The following PLCH1 variants were observed in gnomAD, a reference collection of about 807,000 sequenced individuals.
PLCH1 encodes the protein 1-phosphatidylinositol 4,5-bisphosphate phosphodiesterase eta-1.
A neutral mutation model predicts 126.7 loss-of-function variants in PLCH1; 60 were observed. The ratio of observed to expected loss-of-function variants is 0.47; its 90% CI spans 0.38 to 0.59. PLCH1 has a LOEUF of 0.59. PLCH1 is among the 20% of genes least tolerant of loss of function. The probability of loss-of-function intolerance (pLI) is 0.00; values close to 1 mark genes in which losing one functional copy is unlikely to be tolerated. For synonymous variants in PLCH1, 719 were observed against 734.9 expected (o/e 0.98, Z 0.35); for missense variants, 1,723 against 2,040.0 (o/e 0.84, Z 2.99).
chr3:155,640,656 A>G (rs879930820), intron 2 of PLCH1, among the ~76,000 whole-genome samples: 1 of 152,198 alleles, frequency 6.6e-6, no homozygotes, highest in African/African-American at 2.4e-5. Context: ...AAAAGGGCAT[A>G]TTTTATGTAA....
At chr3:155,690,893 G>T (rs944582313) in intron 2 of PLCH1, among the ~76,000 whole-genome samples, 1 of 152,124 alleles carries the variant, frequency 6.6e-6, no homozygotes, top group Non-Finnish European at 1.5e-5. Context: ...CCCTGGTGGG[G>T]CTGAGAGTCT....
chr3:155,703,403 A>G (rs571961461), intron 2 of PLCH1, among the ~76,000 whole-genome samples: 38 of 152,296 alleles, frequency 2.5e-4, no homozygotes, highest in African/African-American at 8.9e-4. Flanking sequence ...GGCACCACAT[A>G]AGTCTTTGGC....
chr3:155,459,436 T>C (rs918071323), intron 21 of PLCH1, among the ~76,000 whole-genome samples: 2 of 152,216 alleles, frequency 1.3e-5, no homozygotes, highest in Non-Finnish European at 1.5e-5. Flanking sequence ...TCGAATTTCA[T>C]GTCTAACAAG....
chr3:155,484,124 T>C (rs1421326249), intron 22 of PLCH1, among the ~76,000 whole-genome samples: 1 of 152,200 alleles, frequency 6.6e-6, no homozygotes, highest in Non-Finnish European at 1.5e-5. Context: ...TAACTATGTA[T>C]TGTTTTATAT....
chr3:155,730,136 G>A (rs1030767910), intron 1 of PLCH1, among the ~76,000 whole-genome samples: 1 of 152,006 alleles, frequency 6.6e-6, no homozygotes, highest in African/African-American at 2.4e-5. Context: ...TCAATAAAGA[G>A]CCTCTACTAT....
At chr3:155,545,519 T>C (rs1386981003) in intron 10 of PLCH1, among the ~76,000 whole-genome samples, 8 of 150,770 alleles carry the variant, frequency 5.3e-5, no homozygotes, top group African/African-American at 2.0e-4. Flanking sequence ...AAAGAGGGAA[T>C]CCTCCCTAAC....
intron 2 of PLCH1, among the ~76,000 whole-genome samples, chr3:155,673,048 C>CTTTTTT (rs66672315): frequency 4.4e-5 from 3 of 68,224 alleles, no homozygotes; most frequent in African/African-American, 6.8e-5. Flanking sequence ...CTTCTGTTGC[C>CTTTTTT]TTTTTTTTTT....
intron 21 of PLCH1, among the ~76,000 whole-genome samples, chr3:155,486,509 GT>G (rs1560053747): frequency 7.6e-6 from 1 of 130,764 alleles, no homozygotes; most frequent in African/African-American, 2.9e-5. Flanking sequence ...TCTGGCTCAA[GT>G]TTGTTTTTTT....
At chr3:155,667,991 A>G (rs1398125574) in intron 2 of PLCH1, among the ~76,000 whole-genome samples, 3 of 149,338 alleles carry the variant, frequency 2.0e-5, no homozygotes, top group African/African-American at 7.4e-5. Flanking sequence ...AGGCTAAGGC[A>G]GGATAATTGC....
chr3:155,651,227 A>T (rs887372026), intron 2 of PLCH1, among the ~76,000 whole-genome samples: 14 of 152,240 alleles, frequency 9.2e-5, no homozygotes. Flanking sequence ...TGAAGTTTAC[A>T]CACTGCACAA....
Position 155,659,302 on chromosome 3 carries a change from CTTTTTTTTTTTTTTTTTTTTTTTTTT to C in PLCH1, c.79+44818_79+44843del, listed in dbSNP as rs753258422. Among the ~76,000 whole-genome samples, 64 of 30,798 alleles carry C rather than the reference CTTTTTTTTTTTTTTTTTTTTTTTTTT, an allele frequency of 2.1e-3. 1 individual carries two copies. The highest frequency in any genetic ancestry group is 4.4e-3 in the Admixed American group (8 of 1,830). The allele number at this position is 30,798 out of a possible 152,430, so 20.2% of individuals were successfully genotyped here. A position where few individuals can be genotyped will look rare whatever the true frequency, so the allele number is the denominator to read the frequency against. On this transcript the variant is annotated intron_variant, in intron 2 of 22. Coordinates refer to ENST00000460012, the MANE Select transcript of PLCH1 (RefSeq NM_014996.4). The stretch of plus-strand genomic sequence containing the variant: ...CCAGGCGTGAGATGTCTATTCACTT[CTTTTTTTTTTTTTTTTTTTTTTTTTT>C]TTTTTTTTTTTTTTTCCGAGATAGG...
intron 4 of PLCH1, among the ~76,000 whole-genome samples, chr3:155,588,503 G>A (rs747113537): frequency 1.3e-5 from 2 of 152,156 alleles, no homozygotes; most frequent in African/African-American, 2.4e-5. Flanking sequence ...AAAGGAGTCT[G>A]ACGGCAGTAA....
At chr3:155,514,272 G>A (rs1720003397) in intron 12 of PLCH1, among the ~76,000 whole-genome samples, 1 of 152,194 alleles carries the variant, frequency 6.6e-6, no homozygotes, top group Non-Finnish European at 1.5e-5. Flanking sequence ...GGTCCAGAGG[G>A]CAACCATCAA....
chr3:155,500,942 A>G (rs1294757763), intron 13 of PLCH1, 148 bp from the exon 14 acceptor site: 6 of 607,422 alleles, frequency 9.9e-6, no homozygotes, highest in African/African-American at 1.9e-5. Flanking sequence ...TTGCTTCAGC[A>G]TTAATAACAA....
chr3:155,554,649 C>T (rs1726573178), intron 8 of PLCH1, among the ~76,000 whole-genome samples: 1 of 152,118 alleles, frequency 6.6e-6, no homozygotes, highest in Admixed American at 6.6e-5. Context: ...CTTAGGCTCA[C>T]AATGTTTTCA....
At chr3:155,728,666 T>C (rs1318443593) in intron 1 of PLCH1, among the ~76,000 whole-genome samples, 1 of 152,210 alleles carries the variant, frequency 6.6e-6, no homozygotes, top group East Asian at 1.9e-4. Flanking sequence ...CTACTAAGTA[T>C]GGCAGAGCCA....
chr3:155,535,744 C>G (rs555715936), intron 10 of PLCH1, among the ~76,000 whole-genome samples: 1 of 152,308 alleles, frequency 6.6e-6, no homozygotes, highest in South Asian at 2.1e-4. Context: ...AGCTCTATGG[C>G]CCTGCCCATT....
intron 10 of PLCH1, among the ~76,000 whole-genome samples, chr3:155,529,322 AG>A: frequency 6.6e-6 from 1 of 152,364 alleles, no homozygotes; most frequent in South Asian, 2.1e-4. Context: ...CATCTGTAAA[AG>A]CAGGAACCTT....
At chr3:155,519,970 T>C (rs1212103418) in intron 11 of PLCH1, among the ~76,000 whole-genome samples, 1 of 152,110 alleles carries the variant, frequency 6.6e-6, no homozygotes, top group African/African-American at 2.4e-5. Flanking sequence ...TTCTCAGCCA[T>C]TCAAGCCTGT....
Sources: gnomAD v4.1 joint callset for allele counts (sites outside exome capture counted in the v4.1 genomes callset) on GRCh38, gnomAD v4.1.1 for gene constraint, MANE v1.5 for transcripts, NCBI Gene and HGNC (gene_info 2026-07-23, HGNC 2026-07-21) for gene names.